ERC1: variants seen among roughly 807,000 people sequenced by gnomAD.
The protein encoded by ERC1 is RAB6 interacting protein 2.
In ERC1, 56 loss-of-function variants were observed where a neutral mutation model predicts 132.0. The ratio of observed to expected loss-of-function variants is 0.42; its 90% CI spans 0.34 to 0.53. The LOEUF is 0.53. Among genes scored for constraint, ERC1 ranks in the 20% least tolerant of loss-of-function variants. The pLI, the probability that ERC1 is intolerant of heterozygous loss-of-function variation, is 0.03. For missense variants in ERC1, 1,202 were observed against 1,349.9 expected (o/e 0.89, Z 1.72); for synonymous variants, 478 against 476.1 (o/e 1.00, Z -0.05).
chr12:1,292,643 C>A (rs974670025), intron 15 of ERC1, among the ~76,000 whole-genome samples: 2 of 152,116 alleles, frequency 1.3e-5, no homozygotes, highest in Non-Finnish European at 2.9e-5. Context: ...TAAGAAGAGT[C>A]CAGTACTAAA....
chr12:1,160,890 C>G (rs1033015568), intron 8 of ERC1, among the ~76,000 whole-genome samples: 13 of 152,144 alleles, frequency 8.5e-5, no homozygotes, highest in Non-Finnish European at 1.6e-4. Flanking sequence ...GCCACTGTGC[C>G]CAGCCTGAAA....
intron 14 of ERC1, among the ~76,000 whole-genome samples, chr12:1,277,231 C>A (rs1198056179): frequency 6.6e-6 from 1 of 152,214 alleles, no homozygotes; most frequent in Non-Finnish European, 1.5e-5. Flanking sequence ...GTGAGCCTTC[C>A]ACTCGGAAGT....
intron 3 of ERC1, among the ~76,000 whole-genome samples, chr12:1,096,536 A>C (rs10505721): frequency 2.6e-5 from 4 of 152,038 alleles, no homozygotes; most frequent in African/African-American, 9.7e-5. Flanking sequence ...GTGCCCAGTC[A>C]ATCACCTTGT....
chr12:1,418,797 C>T (rs1170686791), intron 17 of ERC1, among the ~76,000 whole-genome samples: 3 of 151,226 alleles, frequency 2.0e-5, no homozygotes, highest in Admixed American at 6.6e-5. Context: ...ACCGTAGCCT[C>T]GGACTCATGG....
chr12:1,336,063 A>G (rs1362939324), intron 15 of ERC1, among the ~76,000 whole-genome samples: 3 of 151,936 alleles, frequency 2.0e-5, no homozygotes, highest in Admixed American at 6.6e-5. Flanking sequence ...AGTTGTTCAT[A>G]TATTCTCTAG....
At chr12:1,032,041 C>G (rs545669827) in intron 2 of ERC1, among the ~76,000 whole-genome samples, 19 of 151,306 alleles carry the variant, frequency 1.3e-4, no homozygotes, top group African/African-American at 3.6e-4. Context: ...TAAATCTAAT[C>G]TAATTCTTTT....
chr12:1,487,664 GA>G (rs2094248164), intron 18 of ERC1, among the ~76,000 whole-genome samples: 1 of 151,444 alleles, frequency 6.6e-6, no homozygotes, highest in Non-Finnish European at 1.5e-5. Flanking sequence ...AGGCCACAGT[GA>G]GCCTGATCAA....
intron 15 of ERC1, among the ~76,000 whole-genome samples, chr12:1,338,707 G>GC (rs2083516802): frequency 6.7e-6 from 1 of 150,024 alleles, no homozygotes; most frequent in Non-Finnish European, 1.5e-5. Flanking sequence ...CCTTTGGATA[G>GC]TTTTTTTTTT....
At chr12:1,476,698 A>G (rs988001599) in intron 18 of ERC1, among the ~76,000 whole-genome samples, 1 of 152,198 alleles carries the variant, frequency 6.6e-6, no homozygotes, top group African/African-American at 2.4e-5. Context: ...ATATCAGTAC[A>G]GCTATTCTAG....
chr12:1,466,444 G>C (rs11615017), intron 18 of ERC1, among the ~76,000 whole-genome samples: 4 of 152,130 alleles, frequency 2.6e-5, no homozygotes, highest in Admixed American at 6.5e-5. Flanking sequence ...TGGTGATTTA[G>C]GCTTCCACCT....
At chr12:1,273,814 T>C (rs1250956517) in intron 14 of ERC1, among the ~76,000 whole-genome samples, 1 of 152,234 alleles carries the variant, frequency 6.6e-6, no homozygotes, top group Non-Finnish European at 1.5e-5. Flanking sequence ...TACATATACA[T>C]AGTTAGTAGA....
At chr12:1,427,798 C>G (rs1321007231) in intron 17 of ERC1, among the ~76,000 whole-genome samples, 1 of 152,230 alleles carries the variant, frequency 6.6e-6, no homozygotes, top group Non-Finnish European at 1.5e-5. Context: ...AGTCAGTGCA[C>G]TCAGCCCTTT....
At chr12:1,395,934 T>TAAAAA (rs34938767) in intron 16 of ERC1, among the ~76,000 whole-genome samples, 91 of 148,630 alleles carry the variant, frequency 6.1e-4, no homozygotes, top group East Asian at 1.6e-3. Flanking sequence ...CATGGAGTCT[T>TAAAAA]AAAAAAAAAA....
At chr12:1,483,142 A>G (rs2094124777) in intron 18 of ERC1, among the ~76,000 whole-genome samples, 1 of 152,172 alleles carries the variant, frequency 6.6e-6, no homozygotes, top group Admixed American at 6.5e-5. Context: ...ACAAAAAAAT[A>G]CAAAAATTAG....
intron 15 of ERC1, among the ~76,000 whole-genome samples, chr12:1,294,930 A>G (rs1438682665): frequency 1.3e-5 from 2 of 152,196 alleles, no homozygotes; most frequent in Admixed American, 6.5e-5. Context: ...GATGTCAAAG[A>G]TAGTAATCTA....
intron 16 of ERC1, among the ~76,000 whole-genome samples, chr12:1,394,290 C>G (rs942767447): frequency 6.6e-6 from 1 of 151,532 alleles, no homozygotes. Flanking sequence ...GTCCCAGCTA[C>G]TGGGGAGGCT....
At chr12:1,139,218 C>T (rs1949641286) in intron 7 of ERC1, among the ~76,000 whole-genome samples, 1 of 152,108 alleles carries the variant, frequency 6.6e-6, no homozygotes, top group African/African-American at 2.4e-5. Flanking sequence ...AAATCTTATG[C>T]CATTCTGCTG....
chr12:1,096,965 G>A (rs1054194041), intron 3 of ERC1, among the ~76,000 whole-genome samples: 4 of 152,062 alleles, frequency 2.6e-5, no homozygotes, highest in African/African-American at 7.2e-5. Context: ...TCATAGTATT[G>A]TTATCTTGTA....
intron 8 of ERC1, among the ~76,000 whole-genome samples, chr12:1,153,825 C>G (rs968258245): frequency 6.6e-6 from 1 of 152,204 alleles, no homozygotes; most frequent in Admixed American, 6.5e-5. Flanking sequence ...AGGCCCCAGC[C>G]CTGCGCCTTC....
Sources: gnomAD v4.1 joint callset for allele counts (sites outside exome capture counted in the v4.1 genomes callset) on GRCh38, gnomAD v4.1.1 for gene constraint, MANE v1.5 for transcripts, NCBI Gene and HGNC (gene_info 2026-07-23, HGNC 2026-07-21) for gene names.